Variants in KCNIP4 observed in about 807,000 individuals in gnomAD.
The protein encoded by KCNIP4 is potassium voltage-gated channel interacting protein 4, also known as Kv channel-interacting protein 4.
A neutral mutation model predicts 34.0 loss-of-function variants in KCNIP4; 12 were observed. The ratio of observed to expected loss-of-function variants is 0.35; its 90% CI spans 0.23 to 0.57. The LOEUF (loss-of-function observed/expected upper bound fraction) is 0.57, where lower values mean the gene tolerates loss of function less well. Among genes scored for constraint, KCNIP4 ranks in the 20% least tolerant of loss-of-function variants. The probability of loss-of-function intolerance (pLI) is 0.83; values close to 1 mark genes in which losing one functional copy is unlikely to be tolerated. For synonymous variants in KCNIP4, 124 were observed against 102.2 expected (o/e 1.21, Z -1.29); for missense variants, 238 against 311.7 (o/e 0.76, Z 1.78).
chr4:21,476,777 A>G (rs1731017284), intron 1 of KCNIP4, among the ~76,000 whole-genome samples: 1 of 152,210 alleles, frequency 6.6e-6, no homozygotes, highest in South Asian at 2.1e-4. Flanking sequence ...GTTAGGCTTC[A>G]GCATCTTCCT....
At chr4:21,401,606 C>T (rs918518050) in intron 1 of KCNIP4, among the ~76,000 whole-genome samples, 3 of 152,176 alleles carry the variant, frequency 2.0e-5, no homozygotes, top group African/African-American at 7.2e-5. Flanking sequence ...ATTCTTAAAA[C>T]ACTTGGACTG....
In KCNIP4 at chr4:21,537,154, G is replaced by C. The variant is rs990902073; in HGVS notation, c.61+411417C>G. Among the ~76,000 whole-genome samples, 11 of 152,150 alleles carry C rather than the reference G, an allele frequency of 7.2e-5. No individual in the cohort carries two copies. The East Asian group carries it at 2.1e-3, about 29-fold the overall frequency. On this transcript the variant is annotated intron_variant, in intron 1 of 8. Coordinates refer to ENST00000382152, the MANE Select transcript of KCNIP4 (RefSeq NM_025221.6). ...GATCTACACTGCACCACACATTGGGGGCTGAATAAGCACAGACATACCTGG... is the reference window on the plus strand; with the variant it reads ...GATCTACACTGCACCACACATTGGGCGCTGAATAAGCACAGACATACCTGG...
At chr4:21,112,824 A>G (rs143665297) in intron 1 of KCNIP4, among the ~76,000 whole-genome samples, 63 of 152,260 alleles carry the variant, frequency 4.1e-4, no homozygotes, top group Non-Finnish European at 6.9e-4. Context: ...TTCCATACTC[A>G]TCTGGCTTCT....
Position 21,043,524 on chromosome 4 carries a change from AGGTG to A in KCNIP4, c.62-160819_62-160816del. Among the ~76,000 whole-genome samples, 5 of 151,748 alleles carry A rather than the reference AGGTG, an allele frequency of 3.3e-5. No homozygotes were observed. In the South Asian group the frequency reaches 1.0e-3, roughly 32 times the overall value. On this transcript the variant is annotated intron_variant, in intron 1 of 8. Coordinates refer to ENST00000382152, the MANE Select transcript of KCNIP4 (RefSeq NM_025221.6). ...TTTTTTTTTTTTGTATTTTTAGTAA[AGGTG>A]GGATTTTGCCATGTTGGCCAGGCTG...
At chr4:21,009,594 A>G (rs1738891164) in intron 1 of KCNIP4, among the ~76,000 whole-genome samples, 1 of 152,204 alleles carries the variant, frequency 6.6e-6, no homozygotes, top group Non-Finnish European at 1.5e-5. Context: ...ACTCCTCTGT[A>G]GTGCATTTAA....
chr4:21,177,337 G>A (rs1303131117), intron 1 of KCNIP4, among the ~76,000 whole-genome samples: 2 of 152,118 alleles, frequency 1.3e-5, no homozygotes, highest in African/African-American at 4.8e-5. Context: ...CACAAACTAT[G>A]CTCAAGGTAT....
intron 1 of KCNIP4, among the ~76,000 whole-genome samples, chr4:20,954,793 A>C (rs1432864127): frequency 6.6e-6 from 1 of 152,156 alleles, no homozygotes; most frequent in South Asian, 2.1e-4. Flanking sequence ...CTGGCAAGAT[A>C]AAGTCTATTT....
At chr4:20,908,374 C>T (rs1327431911) in intron 1 of KCNIP4, among the ~76,000 whole-genome samples, 2 of 152,178 alleles carry the variant, frequency 1.3e-5, no homozygotes, top group Non-Finnish European at 2.9e-5. Context: ...GGATTACAGG[C>T]GTGAACCACC....
At chr4:21,279,208 C>CA (rs1293624291) in intron 1 of KCNIP4, among the ~76,000 whole-genome samples, 4 of 152,122 alleles carry the variant, frequency 2.6e-5, no homozygotes, top group Non-Finnish European at 5.9e-5. Flanking sequence ...GTAGAACAAA[C>CA]AGTCAAAAGT....
At chr4:20,769,275 A>G (rs1578574065) in intron 3 of KCNIP4, among the ~76,000 whole-genome samples, 1 of 152,192 alleles carries the variant, frequency 6.6e-6, no homozygotes, top group African/African-American at 2.4e-5. Context: ...TATTTTTACT[A>G]TTATCTCTTC....
chr4:21,565,124 T>TA (rs759216511), intron 1 of KCNIP4, among the ~76,000 whole-genome samples: 31 of 152,278 alleles, frequency 2.0e-4, no homozygotes, highest in Non-Finnish European at 3.8e-4. Context: ...TGGGCTACCA[T>TA]AACAAAATAC....
intron 1 of KCNIP4, among the ~76,000 whole-genome samples, chr4:21,217,980 CT>C (rs1258852457): frequency 2.4e-5 from 3 of 126,046 alleles, no homozygotes; most frequent in African/African-American, 1.0e-4. Flanking sequence ...CACCATCCCC[CT>C]GTATAGTTTT....
chr4:21,797,109 A>G (rs1052950886), intron 1 of KCNIP4, among the ~76,000 whole-genome samples: 1 of 152,140 alleles, frequency 6.6e-6, no homozygotes, highest in African/African-American at 2.4e-5. Flanking sequence ...ACAATTATAG[A>G]TACCGTCCCA....
intron 1 of KCNIP4, among the ~76,000 whole-genome samples, chr4:21,145,233 G>A (rs1752266771): frequency 6.6e-6 from 1 of 152,090 alleles, no homozygotes; most frequent in South Asian, 2.1e-4. Context: ...GGCTTCCGTA[G>A]CTTTAGAAAC....
chr4:21,143,092 T>C (rs1009416626), intron 1 of KCNIP4, among the ~76,000 whole-genome samples: 1 of 152,196 alleles, frequency 6.6e-6, no homozygotes, highest in Non-Finnish European at 1.5e-5. Context: ...TCAGGTTTCC[T>C]AGTTATTTGA....
chr4:21,015,718 T>A (rs1437880793), intron 1 of KCNIP4, among the ~76,000 whole-genome samples: 1 of 134,546 alleles, frequency 7.4e-6, no homozygotes, highest in Admixed American at 8.2e-5. Flanking sequence ...ATTATATATA[T>A]TTTTATTTCT....
chr4:21,057,233 T>C (rs981409607), intron 1 of KCNIP4, among the ~76,000 whole-genome samples: 5 of 152,178 alleles, frequency 3.3e-5, no homozygotes, highest in African/African-American at 4.8e-5. Context: ...TTAGTTCATA[T>C]TGATTTACAA....
rs185479400 is a variant in KCNIP4 at position 21,023,800 on chromosome 4, T to C, written c.62-141091A>G. On this transcript the variant is annotated intron_variant, in intron 1 of 8. Transcript: ENST00000382152. ...AGGAGGTTAAGGTAGGAGGATCACT[T>C]GAACCCAGGAGTTTGAGGTTGCAGT... is the stretch of plus-strand genomic sequence containing the variant. 1.4e-3 allele frequency among the ~76,000 whole-genome samples: 208 copies of C among 152,194 alleles called. 1 individual carries two copies. Among genetic ancestry groups the C allele is most frequent in the Non-Finnish European group, 2.4e-3 (165 of 68,004 alleles).
intron 1 of KCNIP4, among the ~76,000 whole-genome samples, chr4:21,740,111 T>C (rs1451933367): frequency 2.0e-5 from 3 of 152,066 alleles, no homozygotes; most frequent in Non-Finnish European, 4.4e-5. Flanking sequence ...AATATATGTA[T>C]ACAAAAGAAT....
Sources: allele counts gnomAD v4.1 joint callset (sites outside exome capture counted in the v4.1 genomes callset), GRCh38; gene constraint gnomAD v4.1.1; transcripts MANE v1.5; gene names NCBI Gene and HGNC (gene_info 2026-07-23, HGNC 2026-07-21).